Variants in POLN observed in about 807,000 individuals in gnomAD.
POLN encodes DNA polymerase N.
POLN carries 108 observed loss-of-function variants against 113.5 expected under a neutral mutation model. That is an observed-to-expected ratio of 0.95 (90% CI 0.81 to 1.12). The LOEUF (loss-of-function observed/expected upper bound fraction) is 1.12, where lower values mean the gene tolerates loss of function less well. Among genes scored for constraint, POLN ranks in the 50% most tolerant of loss-of-function variants. The pLI, the probability that POLN is intolerant of heterozygous loss-of-function variation, is 0.00. For missense variants in POLN, 1,097 were observed against 1,077.1 expected (o/e 1.02, Z -0.26); for synonymous variants, 386 against 391.5 (o/e 0.99, Z 0.17).
chr4:2,115,359 TG>T (rs1731292269), intron 19 of POLN, among the ~76,000 whole-genome samples: 1 of 151,990 alleles, frequency 6.6e-6, no homozygotes, highest in Non-Finnish European at 1.5e-5. Flanking sequence ...TGAGCCACTG[TG>T]CCCGGCCTCT....
At chr4:2,239,981 C>G (rs1415889254) in intron 2 of POLN, 4 of 1,324,700 alleles carry the variant, frequency 3.0e-6, no homozygotes, top group African/African-American at 2.9e-5. Flanking sequence ...GCAATATTAT[C>G]TCCTCTATTC....
intron 20 of POLN, among the ~76,000 whole-genome samples, chr4:2,086,029 T>C (rs1452760723): frequency 6.6e-6 from 1 of 152,164 alleles, no homozygotes; most frequent in African/African-American, 2.4e-5. Flanking sequence ...CAGTGGGAGA[T>C]CCAATTCCAG....
chr4:2,135,283 C>T (rs1050368650), intron 16 of POLN, among the ~76,000 whole-genome samples: 1 of 152,150 alleles, frequency 6.6e-6, no homozygotes. Flanking sequence ...CAGGAAGCGG[C>T]CACAGAACCA....
chr4:2,120,372 A>G (rs1731410360), intron 19 of POLN, among the ~76,000 whole-genome samples: 1 of 151,530 alleles, frequency 6.6e-6, no homozygotes, highest in African/African-American at 2.4e-5. Flanking sequence ...TGAGTCTTCC[A>G]TACCCCGAAC....
chr4:2,088,836 G>C, intron 20 of POLN: 2 of 1,464,686 alleles, frequency 1.4e-6, no homozygotes, highest in Non-Finnish European at 1.9e-6. Flanking sequence ...TCTTGAACTT[G>C]TCTACTATAA....
At chr4:2,193,077 C>T in intron 7 of POLN, 127 bp downstream of exon 7, 1 of 658,296 alleles carries the variant, frequency 1.5e-6, no homozygotes, top group Non-Finnish European at 2.6e-6. Flanking sequence ...CATCAGGAGG[C>T]ATATCAGTCT....
intron 19 of POLN, among the ~76,000 whole-genome samples, chr4:2,096,252 A>G (rs1730787514): frequency 6.6e-6 from 1 of 152,160 alleles, no homozygotes; most frequent in Admixed American, 6.5e-5. Flanking sequence ...GCCGTTCCCC[A>G]TATTGGGGTG....
At chr4:2,085,494 A>C in intron 21 of POLN, 119 bp downstream of exon 21, 1 of 1,301,244 alleles carries the variant, frequency 7.7e-7, no homozygotes, top group South Asian at 1.4e-5. Flanking sequence ...GGATTCACCC[A>C]GGCCCCCAAA....
intron 16 of POLN, among the ~76,000 whole-genome samples, chr4:2,154,421 T>C (rs1732373431): frequency 6.6e-6 from 1 of 152,052 alleles, no homozygotes. Context: ...AGAAGAATAA[T>C]TGTTTCATGT....
At chr4:2,099,893 C>T (rs186348318) in intron 19 of POLN, among the ~76,000 whole-genome samples, 1 of 151,956 alleles carries the variant, frequency 6.6e-6, no homozygotes, top group African/African-American at 2.4e-5. Flanking sequence ...CATGATGAAA[C>T]CTTGTCTCTA....
chr4:2,217,627 T>C (rs555596091), intron 3 of POLN, among the ~76,000 whole-genome samples: 1 of 152,340 alleles, frequency 6.6e-6, no homozygotes, highest in South Asian at 2.1e-4. Flanking sequence ...GACAGTTTTG[T>C]TTTTGAAAAA....
At chr4:2,237,501 G>A (rs1380811456) in intron 2 of POLN, among the ~76,000 whole-genome samples, 1 of 151,826 alleles carries the variant, frequency 6.6e-6, no homozygotes, top group East Asian at 1.9e-4. Flanking sequence ...GGAGAGGAAG[G>A]AAGGGAAAGG....
At chr4:2,145,069 A>T (rs972061582) in intron 16 of POLN, among the ~76,000 whole-genome samples, 3 of 152,220 alleles carry the variant, frequency 2.0e-5, no homozygotes, top group Non-Finnish European at 4.4e-5. Context: ...TAGCTATAAC[A>T]AACAGTTACC....
rs1423904629 is a variant in POLN at position 2,213,084 on chromosome 4, T to C, written c.176A>G (p.Gln59Arg). 1.5e-5 allele frequency: 24 copies of C among 1,611,050 alleles called. No individual in the cohort carries two copies. The South Asian group carries it at 2.5e-4, about 17-fold the overall frequency. The change falls in exon 4 of 26, where the codon CAA (glutamine) becomes CGA (arginine). Residue 59 changes from glutamine to arginine, a missense_variant. Physicochemically the swap from Gln to Arg is conservative, Grantham distance 43. Transcript: ENST00000511885. ...INKSSVKYSV[Q>R]LEDRKTQSPE... Reference sequence around the variant, plus strand: ...TGATTGAGTCTTCCTGTCTTCAAGTTGTACTGAATACTTAACACTGGACTT... The same window carrying C: ...TGATTGAGTCTTCCTGTCTTCAAGTCGTACTGAATACTTAACACTGGACTT...
chr4:2,242,013 A>G (rs945621912), intron 1 of POLN, 38 bp downstream of exon 1: 1 of 985,546 alleles, frequency 1.0e-6, no homozygotes, highest in African/African-American at 1.7e-5. Context: ...CTCCAGCCCC[A>G]CACCCCTGCG....
At chr4:2,188,264 C>T (rs1213531766) in intron 7 of POLN, among the ~76,000 whole-genome samples, 3 of 152,156 alleles carry the variant, frequency 2.0e-5, no homozygotes, top group Non-Finnish European at 4.4e-5. Context: ...CACCACCAGA[C>T]CCATCTTCCA....
At chr4:2,204,465 A>G (rs1410732714) in intron 5 of POLN, among the ~76,000 whole-genome samples, 1 of 152,212 alleles carries the variant, frequency 6.6e-6, no homozygotes, top group Non-Finnish European at 1.5e-5. Context: ...TACAAATAAA[A>G]AAAGTCCAAG....
intron 24 of POLN, among the ~76,000 whole-genome samples, chr4:2,073,987 C>T (rs1468003918): frequency 2.0e-5 from 3 of 152,172 alleles, no homozygotes; most frequent in African/African-American, 4.8e-5. Context: ...AGGACCTGGG[C>T]CCCCCTGGGG....
intron 3 of POLN, among the ~76,000 whole-genome samples, chr4:2,226,081 C>A (rs1734382978): frequency 1.3e-5 from 2 of 152,122 alleles, no homozygotes; most frequent in Admixed American, 1.3e-4. Context: ...CACTCAGGGG[C>A]CCAGGATCCT....
Sources: allele counts gnomAD v4.1 joint callset (sites outside exome capture counted in the v4.1 genomes callset), GRCh38; gene constraint gnomAD v4.1.1; transcripts MANE v1.5; gene names NCBI Gene and HGNC (gene_info 2026-07-23, HGNC 2026-07-21).